Variants in ARHGAP44 observed in about 807,000 individuals in gnomAD.
ARHGAP44 encodes the protein Rho GTPase activating protein 44.
ARHGAP44 carries 43 observed loss-of-function variants against 106.8 expected under a neutral mutation model. That is an observed-to-expected ratio of 0.40 (90% CI 0.32 to 0.52). The LOEUF is 0.52. ARHGAP44 is among the 20% of genes least tolerant of loss of function. ARHGAP44 has a pLI of 0.48. For synonymous variants in ARHGAP44, 439 were observed against 410.3 expected (o/e 1.07, Z -0.85); for missense variants, 866 against 1,050.5 (o/e 0.82, Z 2.43).
chr17:12,833,685 A>C (rs151298845), intron 1 of ARHGAP44, among the ~76,000 whole-genome samples: 2 of 152,130 alleles, frequency 1.3e-5, no homozygotes, highest in African/African-American at 4.8e-5. Flanking sequence ...TCAGGCCACA[A>C]CTTGGTTTTA....
At chr17:12,801,612 C>T (rs2034094894) in intron 1 of ARHGAP44, among the ~76,000 whole-genome samples, 1 of 152,100 alleles carries the variant, frequency 6.6e-6, no homozygotes. Flanking sequence ...TACATTTGCA[C>T]AATTGTAACT....
chr17:12,836,629 C>G (rs1679449738), intron 1 of ARHGAP44, among the ~76,000 whole-genome samples: 1 of 151,176 alleles, frequency 6.6e-6, no homozygotes, highest in South Asian at 2.1e-4. Context: ...TGCACTCCAG[C>G]CTGGGTGACA....
Position 12,984,669 on chromosome 17 carries a change from G to A in ARHGAP44, c.2078G>A (p.Ser693Asn). Reference sequence around the variant, plus strand: ...AGCACCCCGTCACCCTATGGACTGAGCTACCCTCAGGGGTACTCCTTGGCC... The same window carrying A: ...AGCACCCCGTCACCCTATGGACTGAACTACCCTCAGGGGTACTCCTTGGCC... ...PPSTPSPYGL[S>N]YPQGYSLASG... Residue 693 changes from serine to asparagine, a missense_variant, in exon 20 of 21, where the codon AGC becomes AAC. Physicochemically the swap from Ser to Asn is conservative, Grantham distance 46. Coordinates refer to ENST00000379672, the MANE Select transcript of ARHGAP44 (RefSeq NM_014859.6). 1 of 1,613,080 alleles carries A rather than the reference G, an allele frequency of 6.2e-7. No homozygotes were observed. Among genetic ancestry groups the A allele is most frequent in the Non-Finnish European group, 8.5e-7 (1 of 1,179,552 alleles).
At chr17:12,989,289 C>T (rs982842287) in intron 20 of ARHGAP44, among the ~76,000 whole-genome samples, 1 of 151,836 alleles carries the variant, frequency 6.6e-6, no homozygotes, top group Non-Finnish European at 1.5e-5. Flanking sequence ...TTTTTTTTAA[C>T]GTGGTGTGGC....
intron 19 of ARHGAP44, chr17:12,980,937 C>G (rs1172273462): frequency 6.6e-6 from 1 of 152,162 alleles, no homozygotes; most frequent in African/African-American, 2.4e-5. Context: ...CGGCTTTTAA[C>G]TCCTGGATTT....
At chr17:12,820,872 C>A (rs2034750147) in intron 1 of ARHGAP44, among the ~76,000 whole-genome samples, 1 of 152,148 alleles carries the variant, frequency 6.6e-6, no homozygotes, top group Admixed American at 6.5e-5. Flanking sequence ...ACCTTTGTTT[C>A]TTTCACTTGT....
chr17:12,948,893 G>C (rs2038927124), intron 10 of ARHGAP44, among the ~76,000 whole-genome samples: 1 of 152,174 alleles, frequency 6.6e-6, no homozygotes, highest in Admixed American at 6.5e-5. Flanking sequence ...TACTGAGCCA[G>C]TGTGATGAGC....
intron 1 of ARHGAP44, among the ~76,000 whole-genome samples, chr17:12,894,610 G>C (rs2037148571): frequency 6.6e-6 from 1 of 152,082 alleles, no homozygotes; most frequent in African/African-American, 2.4e-5. Context: ...TACTTATTTG[G>C]GGGAGGCCAA....
rs74436972 is a variant in ARHGAP44 at position 12,790,721 on chromosome 17, C to T, written c.53+830C>T. 1,131 of 152,448 alleles carry T rather than the reference C, an allele frequency of 7.4e-3. 8 individuals are homozygous for T. The highest frequency in any genetic ancestry group is 0.011 in the Non-Finnish European group (743 of 68,186). 9.4% of individuals were successfully genotyped at this position (152,448 alleles called of 1,614,324 possible). A position where few individuals can be genotyped will look rare whatever the true frequency, so the allele number is the denominator to read the frequency against. ...CTACATCTGGACTCCAGGAGCGGCT[C>T]TGCAGGGTGCCAACATCTATTAAGG... On this transcript the variant is annotated intron_variant, in intron 1 of 20. Transcript: ENST00000379672.
At chr17:12,940,403 A>C (rs543298129) in intron 7 of ARHGAP44, among the ~76,000 whole-genome samples, 1 of 152,334 alleles carries the variant, frequency 6.6e-6, no homozygotes, top group South Asian at 2.1e-4. Context: ...GGAGGACAAA[A>C]CATTCCAGAT....
intron 6 of ARHGAP44, among the ~76,000 whole-genome samples, chr17:12,920,071 A>G (rs1263318401): frequency 3.3e-5 from 5 of 152,094 alleles, no homozygotes; most frequent in African/African-American, 9.7e-5. Context: ...ACAGTTCTAG[A>G]AAGATATGTC....
intron 18 of ARHGAP44, among the ~76,000 whole-genome samples, chr17:12,978,167 T>C (rs2039743126): frequency 6.6e-6 from 1 of 152,056 alleles, no homozygotes. Context: ...AGCAATTTTT[T>C]AGTTTGCTGA....
At chr17:12,810,003 C>T (rs944587973) in intron 1 of ARHGAP44, among the ~76,000 whole-genome samples, 2 of 152,056 alleles carry the variant, frequency 1.3e-5, no homozygotes, top group Non-Finnish European at 1.5e-5. Context: ...GGTGAGGAAT[C>T]ATCAGCAGGG....
intron 1 of ARHGAP44, among the ~76,000 whole-genome samples, chr17:12,853,240 C>CA (rs2035814130): frequency 1.3e-5 from 2 of 152,158 alleles, no homozygotes; most frequent in Admixed American, 6.5e-5. Context: ...AAGCCTCCAG[C>CA]ACGGGAGAAG....
chr17:12,958,969 G>A lies in ARHGAP44; in HGVS notation c.1523+72G>A, dbSNP rs2143177004. On this transcript the variant is annotated intron_variant, in intron 16 of 20. Coordinates refer to ENST00000379672, the MANE Select transcript of ARHGAP44 (RefSeq NM_014859.6). The surrounding 1 kb of genome is among the most constrained non-coding windows in gnomAD (Gnocchi z 4.1). ...GTGGGGGTGGATGGGTGACGCATAA[G>A]AAAAATACAATTACGGGAAGGCTGC... 1.3e-6 allele frequency: 2 copies of A among 1,514,162 alleles called. No homozygotes were observed. The highest frequency in any genetic ancestry group is 1.4e-5 in the African/African-American group (1 of 72,810). 93.8% of individuals were successfully genotyped at this position (1,514,162 alleles called of 1,614,324 possible).
intron 1 of ARHGAP44, among the ~76,000 whole-genome samples, chr17:12,848,088 G>A (rs190255517): frequency 6.6e-6 from 1 of 152,146 alleles, no homozygotes; most frequent in Non-Finnish European, 1.5e-5. Context: ...GCATTGAGGT[G>A]CTCAAACAAC....
At position 12,949,123 on chromosome 17, in the gene ARHGAP44, C is replaced by T; in HGVS notation, c.862-17C>T. On this transcript the variant is annotated splice_polypyrimidine_tract_variant and intron_variant, in intron 10 of 20. Transcript: ENST00000379672. This position sits in a 1 kb window ranked among gnomAD's most constrained non-coding sequence, Gnocchi z 4.1. The stretch of plus-strand genomic sequence containing the variant: ...ACCTTGGAGTTGCTGTGCGCTGACC[C>T]TCTGTCCTGTTGGTAGGGACTCTTC... The T allele has an allele frequency of 6.4e-7, 1 of 1,556,604 alleles. No individual in the cohort carries two copies. Among genetic ancestry groups the T allele is most frequent in the Non-Finnish European group, 8.7e-7 (1 of 1,149,972 alleles).
Position 12,941,123 on chromosome 17 carries a change from C to T in ARHGAP44, c.650C>T (p.Thr217Met), listed in dbSNP as rs552236858. The change falls in exon 8 of 21, where the codon ACG (threonine) becomes ATG (methionine). Residue 217 changes from threonine (T) to methionine (M), a missense_variant and splice_region_variant. Thr to Met is a moderately conservative substitution (Grantham distance 81). This residue lies in a region of ARHGAP44 where 448 missense variants were observed against 646.9 expected (regional missense o/e 0.69). Transcript: ENST00000379672. Reference protein sequence around the residue: ...KEIDYANYFQTLIEVQAEYHR... With the variant: ...KEIDYANYFQMLIEVQAEYHR... Reference sequence around the variant, plus strand: ...ATTGACTATGCAAACTACTTTCAAACGGTAAGTGCCCAGAAAGGTGAGATT... The same window carrying T: ...ATTGACTATGCAAACTACTTTCAAATGGTAAGTGCCCAGAAAGGTGAGATT... 3.3e-4 allele frequency: 525 copies of T among 1,613,670 alleles called. 6 individuals carry two copies. The South Asian group carries it at 5.2e-3, about 16-fold the overall frequency.
At chr17:12,955,506 T>C (rs1042794225) in intron 13 of ARHGAP44, among the ~76,000 whole-genome samples, 5 of 152,168 alleles carry the variant, frequency 3.3e-5, no homozygotes, top group African/African-American at 1.2e-4. Context: ...CAATGGTACT[T>C]AGACATACTG....
Sources: gnomAD v4.1 joint callset for allele counts (sites outside exome capture counted in the v4.1 genomes callset) on GRCh38, gnomAD v4.1.1 for gene constraint, gnomAD v4.1.1 regional missense constraint, Gnocchi (gnomAD v3.1) non-coding constraint, MANE v1.5 for transcripts, NCBI Gene and HGNC (gene_info 2026-07-23, HGNC 2026-07-21) for gene names.